The following ARHGEF9 variants were observed in gnomAD, a reference collection of about 807,000 sequenced individuals.
The protein encoded by ARHGEF9 is Cdc42 guanine nucleotide exchange factor 9, also known as rho guanine nucleotide exchange factor 9.
A neutral mutation model predicts 41.3 loss-of-function variants in ARHGEF9; 2 were observed. The observed-to-expected ratio is 0.05, with a 90% CI of 0.02 to 0.15. ARHGEF9 has a LOEUF of 0.15. ARHGEF9 is among the 10% of genes least tolerant of loss of function. The probability of loss-of-function intolerance (pLI) is 1.00; values close to 1 mark genes in which losing one functional copy is unlikely to be tolerated. For synonymous variants in ARHGEF9, 160 were observed against 154.4 expected (o/e 1.04, Z -0.27); for missense variants, 225 against 424.7 (o/e 0.53, Z 4.13).
intron 4 of ARHGEF9, among the ~76,000 whole-genome samples, chrX:63,679,791 C>T (rs1430202981): frequency 3.6e-5 from 4 of 111,772 alleles, no homozygotes; most frequent in Non-Finnish European, 7.5e-5. Context: ...GACAAAGATG[C>T]CTGTTCTCAC....
intron 4 of ARHGEF9, among the ~76,000 whole-genome samples, chrX:63,681,202 A>C (rs2050600749): frequency 9.0e-6 from 1 of 111,643 alleles, no homozygotes; most frequent in South Asian, 3.8e-4. Context: ...GCTACCATGC[A>C]TGTACCTGCA....
chrX:63,655,380 C>CT, intron 8 of ARHGEF9, 114 bp downstream of exon 8: 1 of 1,099,270 alleles, frequency 9.1e-7, no homozygotes, highest in Non-Finnish European at 1.2e-6. Context: ...ACCAAAGTAG[C>CT]TTAAGTCAGT....
chrX:63,643,929 A>G, intron 9 of ARHGEF9, 51 bp downstream of exon 9: 1 of 1,148,423 alleles, frequency 8.7e-7, no homozygotes. Flanking sequence ...ATGTAAGCAT[A>G]TAGCTTATGA....
At chrX:63,775,126 T>C (rs1277843682) in intron 1 of ARHGEF9, among the ~76,000 whole-genome samples, 1 of 112,476 alleles carries the variant, frequency 8.9e-6, no homozygotes, top group Non-Finnish European at 1.9e-5. Flanking sequence ...CACAATGAGA[T>C]ACCATCTCAC....
intron 5 of ARHGEF9, among the ~76,000 whole-genome samples, chrX:63,675,035 G>A (rs1454266477): frequency 2.7e-5 from 3 of 110,924 alleles, no homozygotes; most frequent in Non-Finnish European, 5.7e-5. Flanking sequence ...GAATGTTGAT[G>A]TGATGGCCGA....
intron 1 of ARHGEF9, among the ~76,000 whole-genome samples, chrX:63,726,457 G>A (rs1164201527): frequency 2.7e-5 from 3 of 111,567 alleles, no homozygotes; most frequent in African/African-American, 9.8e-5. Flanking sequence ...TGGTGTCTCG[G>A]CCTCCCAAGT....
At chrX:63,666,378 GAA>G (rs1433501276) in intron 6 of ARHGEF9, among the ~76,000 whole-genome samples, 3 of 101,278 alleles carry the variant, frequency 3.0e-5, no homozygotes, top group Non-Finnish European at 6.0e-5. Flanking sequence ...TGTGTGTGGA[GAA>G]AGAGAGAGAG....
chrX:63,730,797 C>T (rs190286310), intron 1 of ARHGEF9, among the ~76,000 whole-genome samples: 19 of 111,892 alleles, frequency 1.7e-4, no homozygotes, highest in Admixed American at 8.5e-4. Flanking sequence ...CAAGGCCTTC[C>T]TCAGTTGTTG....
intron 2 of ARHGEF9, among the ~76,000 whole-genome samples, chrX:63,717,801 G>A (rs1219458380): frequency 1.8e-5 from 2 of 111,769 alleles, no homozygotes; most frequent in South Asian, 3.8e-4. Flanking sequence ...TGAGATAGGT[G>A]TTGTTATATC....
intron 4 of ARHGEF9, among the ~76,000 whole-genome samples, chrX:63,696,027 C>G (rs1556387708): frequency 9.0e-6 from 1 of 111,404 alleles, no homozygotes; most frequent in East Asian, 2.8e-4. Flanking sequence ...GTGCCTTTTC[C>G]TTTTGCTGAT....
At chrX:63,665,318 G>T (rs782503591) in intron 7 of ARHGEF9, among the ~76,000 whole-genome samples, 9 of 112,670 alleles carry the variant, frequency 8.0e-5, no homozygotes, top group African/African-American at 2.9e-4. Context: ...GGATTACAAA[G>T]AAGGAAGAGT....
intron 8 of ARHGEF9, among the ~76,000 whole-genome samples, chrX:63,651,780 C>T (rs1274302982): frequency 1.1e-4 from 12 of 110,046 alleles, no homozygotes; most frequent in African/African-American, 3.0e-4. Flanking sequence ...CTGGTGAAAA[C>T]GTGAAATTCG....
In ARHGEF9 at chrX:63,637,623, T is replaced by C; in HGVS notation, c.*405A>G. Reference sequence around the variant, plus strand: ...AATACAAACACATCTATCGTAATAATGACAAGGCAGTGAATCACTCACAGG... The same window carrying C: ...AATACAAACACATCTATCGTAATAACGACAAGGCAGTGAATCACTCACAGG... On this transcript the variant is annotated 3_prime_UTR_variant, in exon 10 of 10. Transcript: ENST00000671741. The C allele has an allele frequency of 4.9e-6, 1 of 204,527 alleles. No individual in the cohort carries two copies. The highest frequency in any genetic ancestry group is 8.8e-6 in the Non-Finnish European group (1 of 113,148). 16.9% of individuals were successfully genotyped at this position (204,527 alleles called of 1,213,427 possible).
rs187676675 is a variant in ARHGEF9 at position 63,764,518 on chromosome X, G to A, written c.30+20598C>T. ...CATTCTCTTATAAAGATATATGCAC[G>A]TGTATGTTCACTGCAGCACTACTCA... On this transcript the variant is annotated intron_variant, in intron 1 of 9. Coordinates refer to ENST00000671741, the MANE Select transcript of ARHGEF9 (RefSeq NM_001353921.2). 6.2e-5 allele frequency among the ~76,000 whole-genome samples: 7 copies of A among 112,294 alleles called. No individual in the cohort carries two copies. The East Asian group carries it at 1.7e-3, about 27-fold the overall frequency.
intron 8 of ARHGEF9, among the ~76,000 whole-genome samples, chrX:63,649,443 T>C (rs2048381056): frequency 9.0e-6 from 1 of 110,918 alleles, no homozygotes; most frequent in East Asian, 2.8e-4. Flanking sequence ...CAAAGCAGTG[T>C]GTAGAGGGAA....
At chrX:63,658,522 C>T (rs1267787602) in intron 7 of ARHGEF9, among the ~76,000 whole-genome samples, 5 of 111,597 alleles carry the variant, frequency 4.5e-5, no homozygotes, top group Non-Finnish European at 3.8e-5. Flanking sequence ...ATTTCCTCAA[C>T]TAAGAAATGA....
At chrX:63,666,449 T>TACACACAC (rs782141996) in intron 6 of ARHGEF9, among the ~76,000 whole-genome samples, 74 of 19,794 alleles carry the variant, frequency 3.7e-3, no homozygotes, top group African/African-American at 9.0e-3. Flanking sequence ...CATATATATA[T>TACACACAC]ACATACACAC....
chrX:63,672,903 A>G (rs1378185436), intron 6 of ARHGEF9, among the ~76,000 whole-genome samples: 1 of 112,169 alleles, frequency 8.9e-6, no homozygotes, highest in Non-Finnish European at 1.9e-5. Context: ...TTTTCTAGTA[A>G]GTCTGGCCCA....
chrX:63,776,200 A>G (rs1257846500), intron 1 of ARHGEF9, among the ~76,000 whole-genome samples: 1 of 110,790 alleles, frequency 9.0e-6, no homozygotes, highest in African/African-American at 3.3e-5. Flanking sequence ...AGAGATCCAC[A>G]CTCCTTTCTG....
Sources: allele counts gnomAD v4.1 joint callset (sites outside exome capture counted in the v4.1 genomes callset), GRCh38; gene constraint gnomAD v4.1.1; transcripts MANE v1.5; gene names NCBI Gene and HGNC (gene_info 2026-07-23, HGNC 2026-07-21).